Variants in SLC12A7 observed in about 807,000 individuals in gnomAD.
SLC12A7 encodes the protein K-Cl cotransporter 4.
In SLC12A7, 100 loss-of-function variants were observed where a neutral mutation model predicts 120.6. The observed-to-expected ratio is 0.83, with a 90% CI of 0.71 to 0.98. The LOEUF is 0.98. Among genes scored for constraint, SLC12A7 ranks in the 50% least tolerant of loss-of-function variants. The pLI, the probability that SLC12A7 is intolerant of heterozygous loss-of-function variation, is 0.00. For missense variants in SLC12A7, 1,373 were observed against 1,548.1 expected (o/e 0.89, Z 1.90); for synonymous variants, 760 against 678.0 (o/e 1.12, Z -1.88).
In SLC12A7 at chr5:1,052,155, C is replaced by A; in HGVS notation, c.*205G>T. 1.7e-6 allele frequency: 1 copy of A among 589,890 alleles called. No homozygotes were observed. Among genetic ancestry groups the A allele is most frequent in the Non-Finnish European group, 3.0e-6 (1 of 329,820 alleles). 36.5% of individuals were successfully genotyped at this position (589,890 alleles called of 1,614,324 possible). A position where few individuals can be genotyped will look rare whatever the true frequency, so the allele number is the denominator to read the frequency against. On this transcript the variant is annotated 3_prime_UTR_variant, in exon 24 of 24. Coordinates refer to ENST00000264930, the MANE Select transcript of SLC12A7 (RefSeq NM_006598.3). ...ATGCAAGGAAATCGTCCAGCCACGC[C>A]CTGATTTGCTGAGCCTGTTAAGGCT...
chr5:1,066,027 C>T (rs1295540517), intron 17 of SLC12A7, among the ~76,000 whole-genome samples: 3 of 152,086 alleles, frequency 2.0e-5, no homozygotes, highest in East Asian at 3.9e-4. Flanking sequence ...GGCTGCACCA[C>T]GGAACGGCTT....
chr5:1,065,749 C>T (rs1736985817), intron 17 of SLC12A7, among the ~76,000 whole-genome samples: 1 of 152,120 alleles, frequency 6.6e-6, no homozygotes, highest in African/African-American at 2.4e-5. Context: ...GGACACAACG[C>T]CAGGCAGTTC....
intron 20 of SLC12A7, among the ~76,000 whole-genome samples, chr5:1,060,683 A>T (rs1736091874): frequency 6.6e-6 from 1 of 152,026 alleles, no homozygotes; most frequent in African/African-American, 2.4e-5. Flanking sequence ...CCTCCCCGGG[A>T]CCCTCCGACC....
chr5:1,110,614 A>G (rs1742925498), intron 1 of SLC12A7, among the ~76,000 whole-genome samples: 1 of 152,230 alleles, frequency 6.6e-6, no homozygotes, highest in Admixed American at 6.5e-5. Context: ...GCGTTGCTAC[A>G]AAGCTCACAC....
chr5:1,055,766 G>C (rs529778306), intron 22 of SLC12A7, among the ~76,000 whole-genome samples: 1 of 152,322 alleles, frequency 6.6e-6, no homozygotes, highest in East Asian at 1.9e-4. Flanking sequence ...GTCGTTCTTC[G>C]GCTTTAATTA....
intron 17 of SLC12A7, 40 bp downstream of exon 17, chr5:1,073,593 G>A (rs781603420): frequency 3.2e-6 from 5 of 1,568,362 alleles, no homozygotes; most frequent in Non-Finnish European, 2.6e-6. Context: ...TGCAGCTGGG[G>A]TGGGAAAGAG....
chr5:1,152,440 G>T, the SLC12A7 span, among the ~76,000 whole-genome samples: 1 of 152,240 alleles, frequency 6.6e-6, no homozygotes, highest in Non-Finnish European at 1.5e-5. Flanking sequence ...GCCTGTGCCC[G>T]TGGGCTCACC....
intron 4 of SLC12A7, 108 bp from the exon 5 acceptor site, chr5:1,088,468 C>A: frequency 8.4e-7 from 1 of 1,192,568 alleles, no homozygotes; most frequent in Non-Finnish European, 1.2e-6. Context: ...ATGCCAGCCC[C>A]CAACTCCAGG....
At chr5:1,057,057 T>C (rs967836081) in intron 22 of SLC12A7, among the ~76,000 whole-genome samples, 7 of 152,048 alleles carry the variant, frequency 4.6e-5, no homozygotes, top group Non-Finnish European at 8.8e-5. Flanking sequence ...CAGGGCTGAC[T>C]TCAGGGCTGG....
intron 1 of SLC12A7, among the ~76,000 whole-genome samples, chr5:1,102,962 G>A (rs1417579548): frequency 7.9e-5 from 12 of 152,182 alleles, no homozygotes; most frequent in Admixed American, 7.9e-4. Flanking sequence ...CCTGGAGGCT[G>A]GGCTCCCTGT....
chr5:1,084,158 A>G (rs1739541334), intron 7 of SLC12A7, among the ~76,000 whole-genome samples: 1 of 147,912 alleles, frequency 6.8e-6, no homozygotes, highest in South Asian at 2.1e-4. Context: ...GCCAGGGATC[A>G]CACTGGGGAC....
rs538094447 is a variant in SLC12A7, at chr5:1,074,502, A to C, written c.2072+65T>G. The C allele has an allele frequency of 4.9e-5, 72 of 1,480,862 alleles. No homozygotes were observed. The South Asian group carries it at 8.0e-4, about 16-fold the overall frequency. The allele number at this position is 1,480,862 out of a possible 1,614,324, so 91.7% of individuals were successfully genotyped here. On this transcript the variant is annotated intron_variant, in intron 16 of 23. Transcript: ENST00000264930. The stretch of plus-strand genomic sequence containing the variant: ...CCCTGAGACTCAAAGGTCCCCACTC[A>C]AAGGCCGACCTCAGAAACAGCTCTT...
chr5:1,054,710 G>A (rs577819772), intron 22 of SLC12A7, among the ~76,000 whole-genome samples: 7 of 152,316 alleles, frequency 4.6e-5, no homozygotes, highest in South Asian at 4.1e-4. Flanking sequence ...GAGGCCCCAC[G>A]GACGCTATCC....
chr5:1,103,806 G>C (rs927965086), intron 1 of SLC12A7, among the ~76,000 whole-genome samples: 1 of 152,256 alleles, frequency 6.6e-6, no homozygotes, highest in Non-Finnish European at 1.5e-5. Flanking sequence ...GCCTGCTCGC[G>C]GGAAGGTGGC....
At chr5:1,142,809 C>T in the SLC12A7 span, among the ~76,000 whole-genome samples, 1 of 151,560 alleles carries the variant, frequency 6.6e-6, no homozygotes, top group Non-Finnish European at 1.5e-5. Flanking sequence ...CCCATACACA[C>T]CCCTCCCCTC....
the SLC12A7 span, among the ~76,000 whole-genome samples, chr5:1,138,525 T>C: frequency 1.3e-5 from 2 of 152,310 alleles, no homozygotes; most frequent in Admixed American, 1.3e-4. Flanking sequence ...CTCAACCTCA[T>C]AGGGCCTCCT....
chr5:1,064,076 G>A lies in SLC12A7; in HGVS notation c.2607+7C>T, dbSNP rs200952889. On this transcript the variant is annotated splice_region_variant and intron_variant, in intron 19 of 23. Transcript: ENST00000264930. ...TCCGGCTGGCGTGTCCCCGTCGCAC[G>A]CCCCACCTTGTGCTGGCGCAGCAGG... is the stretch of plus-strand genomic sequence containing the variant. 197 of 1,603,294 alleles carry A rather than the reference G, an allele frequency of 1.2e-4. No individual in the cohort carries two copies. In the East Asian group the frequency reaches 1.4e-3, roughly 12 times the overall value.
In SLC12A7 at chr5:1,074,619, G is replaced by A. The variant is rs376122574; in HGVS notation, c.2020C>T (p.Arg674Cys). 33 of 1,612,724 alleles carry A rather than the reference G, an allele frequency of 2.0e-5. No homozygotes were observed. The highest frequency in any genetic ancestry group is 4.0e-5 in the African/African-American group (3 of 74,936). Residue 674 changes from arginine (R) to cysteine (C), a missense_variant, in exon 16 of 24, where the codon CGC (arginine) becomes TGC (cysteine). By Grantham distance (180) the Arg-to-Cys change is radical. Transcript: ENST00000264930. ...GIRGLSLNAA[R>C]YALLRVEHGP... ...TGCTCCACGCGCAGCAGGGCGTAGC[G>A]GGCGGCGTTCAGGGATAGGCCACGG...
chr5:1,104,859 G>A (rs1261518185), intron 1 of SLC12A7, among the ~76,000 whole-genome samples: 1 of 152,224 alleles, frequency 6.6e-6, no homozygotes, highest in African/African-American at 2.4e-5. Context: ...GGGGGCCCAC[G>A]TCACAGCCCA....
Sources: gnomAD v4.1 joint callset for allele counts (sites outside exome capture counted in the v4.1 genomes callset) on GRCh38, gnomAD v4.1.1 for gene constraint, MANE v1.5 for transcripts, NCBI Gene and HGNC (gene_info 2026-07-23, HGNC 2026-07-21) for gene names.